YTHDC1: variants seen among roughly 807,000 people sequenced by gnomAD.
The protein encoded by YTHDC1 is YTH N6-methyladenosine RNA binding protein C1.
In YTHDC1, 12 loss-of-function variants were observed where a neutral mutation model predicts 107.0. That is an observed-to-expected ratio of 0.11 (90% CI 0.07 to 0.18). YTHDC1 has a LOEUF of 0.18. YTHDC1 is among the 10% of genes least tolerant of loss of function. The pLI is 1.00. For missense variants in YTHDC1, 635 were observed against 898.8 expected (o/e 0.71, Z 3.75); for synonymous variants, 280 against 289.5 (o/e 0.97, Z 0.33).
chr4:68,332,895 T>G, intron 5 of YTHDC1, 48 bp from the exon 6 acceptor site: 1 of 1,515,156 alleles, frequency 6.6e-7, no homozygotes, highest in South Asian at 1.2e-5. Flanking sequence ...TTAATAGAGA[T>G]AAGACAAAAT....
intron 9 of YTHDC1, among the ~76,000 whole-genome samples, chr4:68,325,340 CATGA>C (rs1722878747): frequency 6.6e-6 from 1 of 151,866 alleles, no homozygotes; most frequent in Non-Finnish European, 1.5e-5. Flanking sequence ...CAAAATGCTT[CATGA>C]AAGAAGTGGT....
chr4:68,323,328 C>A (rs1268421866), intron 10 of YTHDC1, among the ~76,000 whole-genome samples: 1 of 152,166 alleles, frequency 6.6e-6, no homozygotes, highest in Non-Finnish European at 1.5e-5. Flanking sequence ...ATTAGATTTA[C>A]CACAAAGGCA....
intron 15 of YTHDC1, among the ~76,000 whole-genome samples, chr4:68,317,633 T>C (rs561714905): frequency 6.6e-6 from 1 of 152,326 alleles, no homozygotes; most frequent in East Asian, 1.9e-4. Flanking sequence ...CAGGGTTTAA[T>C]TAATCTTATT....
intron 1 of YTHDC1, chr4:68,344,040 G>A (rs1407714942): frequency 6.6e-6 from 1 of 152,066 alleles, no homozygotes; most frequent in Non-Finnish European, 1.5e-5. Context: ...TAGGGGCCCA[G>A]ATTCTCACCT....
intron 12 of YTHDC1, 53 bp downstream of exon 12, chr4:68,320,070 A>AT: frequency 6.7e-7 from 1 of 1,486,864 alleles, no homozygotes; most frequent in Non-Finnish European, 9.2e-7. Flanking sequence ...TAATTTTTTA[A>AT]TTTTTTTCCA....
chr4:68,349,630 A>AGCCCCCCCCCCCCC, intron 1 of YTHDC1, 96 bp downstream of exon 1: 2 of 153,366 alleles, frequency 1.3e-5, no homozygotes, highest in South Asian at 4.4e-5. Flanking sequence ...TAACCTCCCC[A>AGCCCCCCCCCCCCC]ACCCCCACCC....
intron 9 of YTHDC1, among the ~76,000 whole-genome samples, chr4:68,327,027 G>A (rs985602372): frequency 1.3e-5 from 2 of 150,614 alleles, no homozygotes; most frequent in African/African-American, 2.4e-5. Flanking sequence ...ACCTGAGGTC[G>A]GGAGTTCGAG....
At chr4:68,327,884 G>A (rs1039657405) in intron 9 of YTHDC1, among the ~76,000 whole-genome samples, 1 of 152,086 alleles carries the variant, frequency 6.6e-6, no homozygotes, top group African/African-American at 2.4e-5. Context: ...TAGAACTTGA[G>A]TATTAAAACA....
At chr4:68,346,230 A>G (rs1297161244) in intron 1 of YTHDC1, among the ~76,000 whole-genome samples, 3 of 151,946 alleles carry the variant, frequency 2.0e-5, no homozygotes, top group Non-Finnish European at 4.4e-5. Context: ...ATCCTGGGCA[A>G]CATAGGAAGA....
At chr4:68,327,066 G>A (rs1391097803) in intron 9 of YTHDC1, among the ~76,000 whole-genome samples, 3 of 151,046 alleles carry the variant, frequency 2.0e-5, no homozygotes, top group Non-Finnish European at 3.0e-5. Flanking sequence ...GAGAAACCCC[G>A]TCTCTACTAA....
rs142397634 is a variant in YTHDC1 at position 68,341,771 on chromosome 4, G to C, written c.29-3387C>G. ...ATAATATACAAGGGGAAAAGTCTTGGAGGTTAAGGAAATGCAGGTTATAGC... is the reference window on the plus strand; with the variant it reads ...ATAATATACAAGGGGAAAAGTCTTGCAGGTTAAGGAAATGCAGGTTATAGC... On this transcript the variant is annotated intron_variant, in intron 1 of 16. Coordinates refer to ENST00000344157, the MANE Select transcript of YTHDC1 (RefSeq NM_001031732.4). Among the ~76,000 whole-genome samples the C allele has an allele frequency of 9.9e-5, 15 of 152,274 alleles. No individual in the cohort carries two copies. In the East Asian group the frequency reaches 2.9e-3, roughly 29 times the overall value.
intron 4 of YTHDC1, among the ~76,000 whole-genome samples, chr4:68,335,318 A>G (rs1369099245): frequency 2.6e-5 from 4 of 152,180 alleles, no homozygotes; most frequent in Admixed American, 2.6e-4. Flanking sequence ...ATATTAATAT[A>G]GTACCTAAAG....
At position 68,312,526 on chromosome 4, in the gene YTHDC1, C is replaced by T. The variant is rs1721385490; in HGVS notation, c.*1573G>A. 6.6e-6 allele frequency: 1 copy of T among 152,154 alleles called. No individual in the cohort carries two copies. The highest frequency in any genetic ancestry group is 1.5e-5 in the Non-Finnish European group (1 of 68,002). The allele number at this position is 152,154 out of a possible 1,614,324, so 9.4% of individuals were successfully genotyped here. A position where few individuals can be genotyped will look rare whatever the true frequency, so the allele number is the denominator to read the frequency against. On this transcript the variant is annotated 3_prime_UTR_variant, in exon 17 of 17. Transcript: ENST00000344157. ...CCAGGTTTCCTTAAAAGTACTTTTT[C>T]CTCTCTACCACAATGCAGATTTAAA...
chr4:68,334,694 T>C (rs1209172537), intron 4 of YTHDC1, among the ~76,000 whole-genome samples: 6 of 152,136 alleles, frequency 3.9e-5, no homozygotes, highest in Non-Finnish European at 8.8e-5. Flanking sequence ...AATTTATCTC[T>C]TGTTGCTGTT....
rs537453655 is a variant in YTHDC1, at chr4:68,350,086, G to A, written c.-333C>T. On this transcript the variant is annotated 5_prime_UTR_variant, in exon 1 of 17. Coordinates refer to ENST00000344157, the MANE Select transcript of YTHDC1 (RefSeq NM_001031732.4). ...TCCTGCGCGAAACAATCCCGCTCCCGAAATGCCCTGCGCTGTTTACGCTTC... is the reference window on the plus strand; with the variant it reads ...TCCTGCGCGAAACAATCCCGCTCCCAAAATGCCCTGCGCTGTTTACGCTTC... The A allele has an allele frequency of 6.3e-6, 3 of 476,728 alleles. No homozygotes were observed. The highest frequency in any genetic ancestry group is 3.6e-5 in the Admixed American group (1 of 27,850). The allele number at this position is 476,728 out of a possible 1,614,324, so 29.5% of individuals were successfully genotyped here.
intron 10 of YTHDC1, among the ~76,000 whole-genome samples, chr4:68,323,211 G>A (rs1482099923): frequency 6.6e-6 from 1 of 151,874 alleles, no homozygotes; most frequent in African/African-American, 2.4e-5. Flanking sequence ...GTGCAAAATA[G>A]AAAAATATCA....
At chr4:68,320,847 T>C (rs1722375886) in intron 11 of YTHDC1, among the ~76,000 whole-genome samples, 1 of 152,132 alleles carries the variant, frequency 6.6e-6, no homozygotes, top group Non-Finnish European at 1.5e-5. Flanking sequence ...AGTTTTTCTT[T>C]CTACATCTAA....
chr4:68,321,388 G>T (rs1235382701), intron 11 of YTHDC1, among the ~76,000 whole-genome samples: 3 of 152,162 alleles, frequency 2.0e-5, no homozygotes, highest in South Asian at 4.1e-4. Context: ...CCTGTAGTTT[G>T]GGGAGTGCAT....
chr4:68,312,269 C>CTGTA lies in YTHDC1; in HGVS notation c.*1826_*1829dup, dbSNP rs1721367295. 1 of 152,164 alleles carries CTGTA rather than the reference C, an allele frequency of 6.6e-6. No individual in the cohort carries two copies. 9.4% of individuals were successfully genotyped at this position (152,164 alleles called of 1,614,324 possible). On this transcript the variant is annotated 3_prime_UTR_variant, in exon 17 of 17. Coordinates refer to ENST00000344157, the MANE Select transcript of YTHDC1 (RefSeq NM_001031732.4). ...CCTCTCTGAGCCCATTTAAATGAGT[C>CTGTA]TGTATATAAAAGCACAAAGTCTCTA... is the stretch of plus-strand genomic sequence containing the variant.
Sources: gnomAD v4.1 joint callset for allele counts (sites outside exome capture counted in the v4.1 genomes callset) on GRCh38, gnomAD v4.1.1 for gene constraint, MANE v1.5 for transcripts, NCBI Gene and HGNC (gene_info 2026-07-23, HGNC 2026-07-21) for gene names.